The following UNC13C variants were observed in gnomAD, a reference collection of about 807,000 sequenced individuals.
The protein encoded by UNC13C is protein unc-13 homolog C.
In UNC13C, 174 loss-of-function variants were observed where a neutral mutation model predicts 245.4. The ratio of observed to expected loss-of-function variants is 0.71; its 90% CI spans 0.63 to 0.80. UNC13C has a LOEUF of 0.80. Ranked by LOEUF, UNC13C falls within the 30% of genes least tolerant of loss-of-function variation. UNC13C has a pLI of 0.00. For synonymous variants in UNC13C, 992 were observed against 895.1 expected (o/e 1.11, Z -1.93); for missense variants, 2,829 against 2,602.9 (o/e 1.09, Z -1.89).
At chr15:54,464,490 A>G (rs1379574766) in intron 19 of UNC13C, among the ~76,000 whole-genome samples, 3 of 152,166 alleles carry the variant, frequency 2.0e-5, no homozygotes, top group Non-Finnish European at 4.4e-5. Flanking sequence ...TACATAAAAC[A>G]TCAGAATGAT....
intron 29 of UNC13C, among the ~76,000 whole-genome samples, chr15:54,556,547 T>A (rs1236604734): frequency 6.6e-6 from 1 of 152,026 alleles, no homozygotes; most frequent in Non-Finnish European, 1.5e-5. Context: ...AAATGGAGTT[T>A]CTAAAGAGGT....
chr15:54,451,291 G>A (rs1891160235), intron 19 of UNC13C, among the ~76,000 whole-genome samples: 1 of 151,950 alleles, frequency 6.6e-6, no homozygotes, highest in Non-Finnish European at 1.5e-5. Flanking sequence ...AGTATTTTTG[G>A]TGGATACTTT....
At chr15:53,950,678 T>C in the UNC13C span, among the ~76,000 whole-genome samples, 2 of 152,290 alleles carry the variant, frequency 1.3e-5, no homozygotes, top group South Asian at 2.1e-4. Flanking sequence ...TGTAAGACAG[T>C]AAACCAACTG....
chr15:54,100,754 C>A (rs762925287), intron 2 of UNC13C, among the ~76,000 whole-genome samples: 1 of 151,960 alleles, frequency 6.6e-6, no homozygotes, highest in Non-Finnish European at 1.5e-5. Flanking sequence ...TATTTCAAAA[C>A]CTTTCTTTCT....
At chr15:54,276,681 A>G (rs1296611373) in intron 10 of UNC13C, among the ~76,000 whole-genome samples, 3 of 152,080 alleles carry the variant, frequency 2.0e-5, no homozygotes, top group Non-Finnish European at 2.9e-5. Flanking sequence ...TTTATACGTT[A>G]CTCATTGAGT....
intron 4 of UNC13C, among the ~76,000 whole-genome samples, chr15:54,178,523 C>G (rs891025530): frequency 6.6e-6 from 1 of 152,016 alleles, no homozygotes; most frequent in African/African-American, 2.4e-5. Context: ...TAAGTAGTTC[C>G]TAGAAACAGC....
At chr15:54,334,516 A>C (rs2038522853) in intron 16 of UNC13C, among the ~76,000 whole-genome samples, 1 of 152,076 alleles carries the variant, frequency 6.6e-6, no homozygotes, top group Non-Finnish European at 1.5e-5. Flanking sequence ...TTATTCAGAA[A>C]ATTCCTAAAT....
chr15:54,591,488 G>T (rs932632943), intron 30 of UNC13C, among the ~76,000 whole-genome samples: 1 of 152,008 alleles, frequency 6.6e-6, no homozygotes, highest in African/African-American at 2.4e-5. Context: ...TCTGTTCAGG[G>T]TATCTAATTT....
At chr15:54,416,473 A>C (rs879832451) in intron 19 of UNC13C, among the ~76,000 whole-genome samples, 4 of 152,104 alleles carry the variant, frequency 2.6e-5, no homozygotes, top group Non-Finnish European at 4.4e-5. Flanking sequence ...TCAGAGGTAC[A>C]ATTCCTTACT....
At chr15:53,897,710 T>A in the UNC13C span, among the ~76,000 whole-genome samples, 7 of 152,234 alleles carry the variant, frequency 4.6e-5, no homozygotes, top group Non-Finnish European at 1.0e-4. Flanking sequence ...ATTTCCTTGA[T>A]GAGAAGCTAT....
chr15:54,203,181 A>G (rs569612445), intron 4 of UNC13C, among the ~76,000 whole-genome samples: 2 of 151,930 alleles, frequency 1.3e-5, no homozygotes, highest in Admixed American at 6.6e-5. Flanking sequence ...AAAATAATAG[A>G]TGTTGGTGGG....
chr15:54,515,099 C>A (rs1894912313), intron 24 of UNC13C, among the ~76,000 whole-genome samples: 1 of 152,058 alleles, frequency 6.6e-6, no homozygotes, highest in African/African-American at 2.4e-5. Context: ...AAAAATCTCA[C>A]AAACCACGAA....
chr15:54,117,933 C>G (rs984865197), intron 2 of UNC13C, among the ~76,000 whole-genome samples: 1 of 152,054 alleles, frequency 6.6e-6, no homozygotes. Flanking sequence ...TTCTTGGCAT[C>G]TTTGTTGAAA....
chr15:54,411,388 G>A (rs1264623398), intron 18 of UNC13C, among the ~76,000 whole-genome samples: 1 of 152,062 alleles, frequency 6.6e-6, no homozygotes, highest in Non-Finnish European at 1.5e-5. Flanking sequence ...TTACACCTTT[G>A]TGTTACATCT....
At chr15:54,445,900 T>G (rs529892830) in intron 19 of UNC13C, among the ~76,000 whole-genome samples, 1 of 152,342 alleles carries the variant, frequency 6.6e-6, no homozygotes, top group South Asian at 2.1e-4. Flanking sequence ...TGCCTAGGTT[T>G]TCTTCTAGGG....
the UNC13C span, among the ~76,000 whole-genome samples, chr15:53,917,385 G>T: frequency 6.6e-6 from 1 of 152,066 alleles, no homozygotes; most frequent in East Asian, 1.9e-4. Flanking sequence ...GAAAGAACTA[G>T]GCTCCCGAAA....
At chr15:54,104,783 A>G (rs1321074205) in intron 2 of UNC13C, among the ~76,000 whole-genome samples, 2 of 151,634 alleles carry the variant, frequency 1.3e-5, no homozygotes, top group Non-Finnish European at 2.9e-5. Context: ...CACCTTTCAT[A>G]TTAGTGGTTT....
At chr15:54,517,417 G>A (rs917625240) in intron 24 of UNC13C, among the ~76,000 whole-genome samples, 1 of 152,068 alleles carries the variant, frequency 6.6e-6, no homozygotes, top group Non-Finnish European at 1.5e-5. Flanking sequence ...GCAGAAATTG[G>A]GGTACAAAAT....
intron 29 of UNC13C, among the ~76,000 whole-genome samples, chr15:54,566,583 A>G (rs577905776): frequency 6.6e-6 from 1 of 151,634 alleles, no homozygotes; most frequent in East Asian, 1.9e-4. Context: ...GAGGGTATCT[A>G]TAATTGTACC....
Sources: gnomAD v4.1 joint callset for allele counts (sites outside exome capture counted in the v4.1 genomes callset) on GRCh38, gnomAD v4.1.1 for gene constraint, MANE v1.5 for transcripts, NCBI Gene and HGNC (gene_info 2026-07-23, HGNC 2026-07-21) for gene names.